The following SEM1 variants were observed in gnomAD, a reference collection of about 807,000 sequenced individuals.
The protein encoded by SEM1 is SEM1 26S proteasome subunit.
Under a neutral mutation model 12.7 loss-of-function variants are expected in SEM1, and 3 were observed. The ratio of observed to expected loss-of-function variants is 0.24; its 90% CI spans 0.11 to 0.61. SEM1 has a LOEUF of 0.61. Ranked by LOEUF, SEM1 falls within the 20% of genes least tolerant of loss-of-function variation. SEM1 has a pLI of 0.88. For missense variants in SEM1, 59 were observed against 81.3 expected (o/e 0.73, Z 1.06); for synonymous variants, 30 against 27.8 (o/e 1.08, Z -0.25).
chr7:96,561,524 TTC>T (rs1805690999), intron 2 of SEM1, among the ~76,000 whole-genome samples: 1 of 152,238 alleles, frequency 6.6e-6, no homozygotes, highest in South Asian at 2.1e-4. Flanking sequence ...CTGCTGCCGC[TTC>T]TCACTGTAGT....
intron 2 of SEM1, among the ~76,000 whole-genome samples, chr7:96,516,133 AG>A (rs1212241115): frequency 6.6e-6 from 1 of 152,156 alleles, no homozygotes; most frequent in East Asian, 1.9e-4. Flanking sequence ...AAAGTGCAAA[AG>A]TATAAAACTC....
intron 2 of SEM1, among the ~76,000 whole-genome samples, chr7:96,555,843 C>T (rs1239447595): frequency 2.0e-5 from 3 of 149,656 alleles, no homozygotes; most frequent in Non-Finnish European, 4.5e-5. Context: ...TTGTAGGTCA[C>T]TCAGGACTTG....
intron 2 of SEM1, among the ~76,000 whole-genome samples, chr7:96,644,074 C>T (rs1303170335): frequency 6.6e-6 from 1 of 151,978 alleles, no homozygotes; most frequent in Admixed American, 6.6e-5. Flanking sequence ...TAACCCTTTA[C>T]TGGCTTGTTC....
intron 2 of SEM1, among the ~76,000 whole-genome samples, chr7:96,578,587 G>GA (rs1206095353): frequency 6.6e-6 from 1 of 152,062 alleles, no homozygotes; most frequent in Non-Finnish European, 1.5e-5. Flanking sequence ...TCAAAGCAAA[G>GA]AAAAAATGAT....
chr7:96,627,774 A>G (rs920934936), intron 2 of SEM1, among the ~76,000 whole-genome samples: 4 of 152,100 alleles, frequency 2.6e-5, no homozygotes, highest in African/African-American at 9.7e-5. Context: ...GTAAATATCT[A>G]TTAGGTCCAT....
At chr7:96,598,834 T>TA (rs375588939) in intron 2 of SEM1, among the ~76,000 whole-genome samples, 1 of 152,212 alleles carries the variant, frequency 6.6e-6, no homozygotes, top group Admixed American at 6.5e-5. Flanking sequence ...AAAATTAGAT[T>TA]AAAAAAATTT....
At chr7:96,514,654 T>C (rs1481928542) in intron 2 of SEM1, among the ~76,000 whole-genome samples, 1 of 150,936 alleles carries the variant, frequency 6.6e-6, no homozygotes, top group Non-Finnish European at 1.5e-5. Flanking sequence ...CATGATACCA[T>C]TTATGTTAGG....
At chr7:96,563,593 G>A (rs1188608321) in intron 2 of SEM1, among the ~76,000 whole-genome samples, 3 of 152,218 alleles carry the variant, frequency 2.0e-5, no homozygotes, top group Admixed American at 6.5e-5. Context: ...GGACAAGAGG[G>A]TTCAGGATTT....
At chr7:96,648,286 T>G (rs1808866481) in intron 2 of SEM1, among the ~76,000 whole-genome samples, 1 of 152,096 alleles carries the variant, frequency 6.6e-6, no homozygotes, top group South Asian at 2.1e-4. Flanking sequence ...CAATGTTAGT[T>G]CTGGACATAG....
intron 2 of SEM1, among the ~76,000 whole-genome samples, chr7:96,679,691 T>C (rs959153582): frequency 2.6e-5 from 4 of 152,104 alleles, no homozygotes. Context: ...CAATTAGATA[T>C]GAAATGGCTT....
chr7:96,625,534 T>A (rs141334181), intron 2 of SEM1, among the ~76,000 whole-genome samples: 843 of 152,330 alleles, frequency 5.5e-3, no homozygotes, highest in Non-Finnish European at 9.3e-3. Context: ...TGCTCCCCAC[T>A]GCATGAATTA....
chr7:96,597,782 C>T (rs1305919299), intron 2 of SEM1, among the ~76,000 whole-genome samples: 1 of 152,118 alleles, frequency 6.6e-6, no homozygotes, highest in East Asian at 1.9e-4. Flanking sequence ...TGCCTCCTCA[C>T]TCTTGTACCC....
chr7:96,555,761 CGTT>C (rs947541120), intron 2 of SEM1, among the ~76,000 whole-genome samples: 1 of 143,086 alleles, frequency 7.0e-6, no homozygotes, highest in Non-Finnish European at 1.5e-5. Flanking sequence ...CTTTCTGTCT[CGTT>C]GATCTGTCTA....
chr7:96,519,100 T>C (rs1804188941), intron 2 of SEM1, among the ~76,000 whole-genome samples: 1 of 152,116 alleles, frequency 6.6e-6, no homozygotes, highest in African/African-American at 2.4e-5. Flanking sequence ...TATCAAGATA[T>C]GAAAACTGGC....
chr7:96,623,290 G>T (rs1807952549), intron 2 of SEM1, among the ~76,000 whole-genome samples: 1 of 151,920 alleles, frequency 6.6e-6, no homozygotes, highest in Non-Finnish European at 1.5e-5. Flanking sequence ...TCTGATTCAG[G>T]CTAAACCACA....
chr7:96,630,538 CT>C (rs889326139), intron 2 of SEM1, among the ~76,000 whole-genome samples: 1 of 152,136 alleles, frequency 6.6e-6, no homozygotes, highest in Non-Finnish European at 1.5e-5. Context: ...ACAGGCTCCC[CT>C]CTGGCCCAGG....
chr7:96,669,276 T>C (rs907645103), downstream of SEM1, among the ~76,000 whole-genome samples: 15 of 152,170 alleles, frequency 9.9e-5, no homozygotes, highest in African/African-American at 3.6e-4. Context: ...TCTGTAAGCT[T>C]TTCCTGTAAA....
chr7:96,649,065 T>C (rs886661148), intron 2 of SEM1: 1 of 152,266 alleles, frequency 6.6e-6, no homozygotes. Context: ...CCCCTCGCTA[T>C]TGGGTGCAGC....
chr7:96,509,375 AT>A (rs983010319), intron 2 of SEM1, among the ~76,000 whole-genome samples: 24 of 152,064 alleles, frequency 1.6e-4, no homozygotes, highest in African/African-American at 5.3e-4. Flanking sequence ...CATCGCTTAG[AT>A]TTTATTTTCA....
Sources: gnomAD v4.1 joint callset for allele counts (sites outside exome capture counted in the v4.1 genomes callset) on GRCh38, gnomAD v4.1.1 for gene constraint, MANE v1.5 for transcripts, NCBI Gene and HGNC (gene_info 2026-07-23, HGNC 2026-07-21) for gene names.